Variants in ST18 observed in about 807,000 individuals in gnomAD.
ST18 encodes the protein suppression of tumorigenicity 18 protein.
ST18 carries 50 observed loss-of-function variants against 110.0 expected under a neutral mutation model. That is an observed-to-expected ratio of 0.45 (90% CI 0.36 to 0.58). ST18 has a LOEUF of 0.58. Among genes scored for constraint, ST18 ranks in the 20% least tolerant of loss-of-function variants. ST18 has a pLI of 0.00. For missense variants in ST18, 1,306 were observed against 1,280.1 expected (o/e 1.02, Z -0.31); for synonymous variants, 461 against 452.4 (o/e 1.02, Z -0.24).
intron 2 of ST18, among the ~76,000 whole-genome samples, chr8:52,367,223 G>A (rs1163806857): frequency 3.4e-5 from 1 of 29,468 alleles, no homozygotes; most frequent in African/African-American, 5.9e-5. Flanking sequence ...GGGTGACAGA[G>A]CGGGACCCTG....
intron 8 of ST18, among the ~76,000 whole-genome samples, chr8:52,209,642 T>A (rs1302760139): frequency 6.6e-6 from 1 of 151,548 alleles, no homozygotes; most frequent in Non-Finnish European, 1.5e-5. Flanking sequence ...TGGTGGCTCA[T>A]GCCTGTAATC....
chr8:52,298,348 C>T (rs1185389656), intron 2 of ST18, among the ~76,000 whole-genome samples: 1 of 152,080 alleles, frequency 6.6e-6, no homozygotes, highest in Admixed American at 6.5e-5. Context: ...TATTAAGTAG[C>T]ACTATAAAGG....
intron 2 of ST18, among the ~76,000 whole-genome samples, chr8:52,385,410 G>T (rs1444846945): frequency 6.6e-6 from 1 of 152,080 alleles, no homozygotes; most frequent in Non-Finnish European, 1.5e-5. Flanking sequence ...GACCAGCCTG[G>T]CCAACATGGT....
intron 10 of ST18, among the ~76,000 whole-genome samples, chr8:52,170,189 A>G (rs893840625): frequency 3.9e-5 from 6 of 152,196 alleles, no homozygotes; most frequent in Non-Finnish European, 8.8e-5. Flanking sequence ...GAGATGATAA[A>G]ATGGAAAAAT....
intron 2 of ST18, among the ~76,000 whole-genome samples, chr8:52,391,157 C>T (rs1476952189): frequency 6.6e-6 from 1 of 152,186 alleles, no homozygotes; most frequent in South Asian, 2.1e-4. Flanking sequence ...GGTGTCAGCG[C>T]CTCTGCTCTT....
rs139567524 is a variant in ST18, at chr8:52,155,327, A to G, written c.1806+3571T>C. On this transcript the variant is annotated intron_variant, in intron 15 of 25. Transcript: ENST00000689386. The stretch of plus-strand genomic sequence containing the variant: ...TTTTCCCTGATTTAATTCCTCAAAG[A>G]GATACTTAAAACATATGTAGGCAAT... Among the ~76,000 whole-genome samples, 1,004 of 152,314 alleles carry G rather than the reference A, an allele frequency of 6.6e-3. 10 individuals are homozygous for G. Among genetic ancestry groups the G allele is most frequent in the African/African-American group, 0.023 (958 of 41,564 alleles).
At position 52,172,570 on chromosome 8, in the gene ST18, T is replaced by A. The variant is rs1354300568; in HGVS notation, c.291A>T (p.Ile97=). 6.4e-7 allele frequency: 1 copy of A among 1,570,964 alleles called. No homozygotes were observed. Among genetic ancestry groups the A allele is most frequent in the South Asian group, 1.2e-5 (1 of 83,270 alleles). ...AAAGAAGACTTTCATCCATAGGTTT[T>A]ATCATGATTTCCTCTATGGAAAAAG... ...HGHSTAEEIM[I]KPMDESLLST... is the part of the protein sequence containing the mutation. The change falls in exon 10 of 26, where the codon ATA becomes ATT. Residue 97 remains isoleucine, a synonymous_variant. Transcript: ENST00000689386.
intron 2 of ST18, among the ~76,000 whole-genome samples, chr8:52,349,269 G>C (rs1237290294): frequency 6.6e-6 from 1 of 152,122 alleles, no homozygotes; most frequent in Non-Finnish European, 1.5e-5. Flanking sequence ...AAGGCTTTGT[G>C]GGGTAAAGCT....
At chr8:52,407,158 A>G (rs1844819577) in intron 2 of ST18, 1 of 152,214 alleles carries the variant, frequency 6.6e-6, no homozygotes, top group South Asian at 2.1e-4. Flanking sequence ...ATGTCTCCAT[A>G]GATTTGTCCC....
chr8:52,297,237 T>C (rs2095649712), intron 2 of ST18, among the ~76,000 whole-genome samples: 1 of 152,170 alleles, frequency 6.6e-6, no homozygotes, highest in South Asian at 2.1e-4. Context: ...TTCCAGGCCC[T>C]GTCATTGTAC....
intron 16 of ST18, among the ~76,000 whole-genome samples, chr8:52,146,584 C>A (rs1302680583): frequency 1.3e-5 from 2 of 152,046 alleles, no homozygotes; most frequent in Non-Finnish European, 2.9e-5. Context: ...TGATAATAAT[C>A]CTGCTTTTCA....
chr8:52,309,170 C>T lies in ST18; in HGVS notation c.-464-79093G>A, dbSNP rs548618147. ...CTGAGGGAGTGAGGGTGGTGGGTGG[C>T]GGTGGCTACCCAAGGTGCAATGGTC... On this transcript the variant is annotated intron_variant, in intron 2 of 25. Transcript: ENST00000689386. 1.0e-3 allele frequency among the ~76,000 whole-genome samples: 154 copies of T among 152,126 alleles called. 1 individual carries two copies. The South Asian group carries it at 0.022, about 22-fold the overall frequency.
chr8:52,328,435 A>G (rs1000656667), intron 2 of ST18, among the ~76,000 whole-genome samples: 1 of 152,182 alleles, frequency 6.6e-6, no homozygotes, highest in African/African-American at 2.4e-5. Context: ...AATGATGGTG[A>G]TAATAATAAT....
intron 2 of ST18, among the ~76,000 whole-genome samples, chr8:52,285,492 G>T (rs1330103748): frequency 6.6e-6 from 1 of 152,190 alleles, no homozygotes; most frequent in East Asian, 1.9e-4. Flanking sequence ...AAAGCAAGAA[G>T]TCAGATGCCA....
chr8:52,189,922 T>G (rs1001867690), intron 8 of ST18, among the ~76,000 whole-genome samples: 2 of 152,208 alleles, frequency 1.3e-5, no homozygotes, highest in African/African-American at 4.8e-5. Flanking sequence ...GCTAATAAAG[T>G]GAGACCCACA....
At chr8:52,319,660 G>C (rs889388484) in intron 2 of ST18, among the ~76,000 whole-genome samples, 3 of 152,114 alleles carry the variant, frequency 2.0e-5, no homozygotes, top group African/African-American at 4.8e-5. Context: ...TATTTTATTT[G>C]GTTCATAATT....
chr8:52,145,730 G>A (rs546359117), intron 16 of ST18, among the ~76,000 whole-genome samples: 33 of 152,216 alleles, frequency 2.2e-4, no homozygotes, highest in African/African-American at 6.7e-4. Flanking sequence ...TTCCTTTAAC[G>A]TACAGATGGA....
At chr8:52,170,627 A>G (rs1481343584) in intron 10 of ST18, among the ~76,000 whole-genome samples, 1 of 152,162 alleles carries the variant, frequency 6.6e-6, no homozygotes, top group East Asian at 1.9e-4. Flanking sequence ...AAATACAATA[A>G]GTTGCACATT....
chr8:52,263,160 T>C (rs2094750451), intron 2 of ST18, among the ~76,000 whole-genome samples: 1 of 152,252 alleles, frequency 6.6e-6, no homozygotes, highest in South Asian at 2.1e-4. Flanking sequence ...GATTAGAGAA[T>C]GATCAGTGAT....
Sources: gnomAD v4.1 joint callset for allele counts (sites outside exome capture counted in the v4.1 genomes callset) on GRCh38, gnomAD v4.1.1 for gene constraint, MANE v1.5 for transcripts, NCBI Gene and HGNC (gene_info 2026-07-23, HGNC 2026-07-21) for gene names.